CFAP77: variants seen among roughly 807,000 people sequenced by gnomAD.
CFAP77 encodes cilia- and flagella-associated protein 77.
Under a neutral mutation model 31.1 loss-of-function variants are expected in CFAP77, and 25 were observed. The ratio of observed to expected loss-of-function variants is 0.80; its 90% CI spans 0.59 to 1.12. The LOEUF (loss-of-function observed/expected upper bound fraction) is 1.12. CFAP77 is among the 50% of genes most tolerant of loss of function. CFAP77 has a pLI of 0.00. For missense variants in CFAP77, 377 were observed against 397.3 expected (o/e 0.95, Z 0.44); for synonymous variants, 151 against 159.9 (o/e 0.94, Z 0.42).
intron 1 of CFAP77, among the ~76,000 whole-genome samples, chr9:132,496,887 G>A (rs550502509): frequency 1.3e-5 from 2 of 152,208 alleles, no homozygotes; most frequent in African/African-American, 2.4e-5. Context: ...AGGCAGGGGG[G>A]TCTGCATGTG....
intron 1 of CFAP77, among the ~76,000 whole-genome samples, chr9:132,487,739 G>A (rs1314574636): frequency 1.3e-5 from 2 of 150,566 alleles, no homozygotes; most frequent in African/African-American, 4.9e-5. Context: ...TCATTATGCA[G>A]TGTTCAACTG....
chr9:132,480,580 G>A lies in CFAP77; in HGVS notation c.196-18115G>A, dbSNP rs907706634. 2.6e-5 allele frequency among the ~76,000 whole-genome samples: 4 copies of A among 152,222 alleles called. No individual in the cohort carries two copies. Among genetic ancestry groups the A allele is most frequent in the Non-Finnish European group, 4.4e-5 (3 of 68,032 alleles). On this transcript the variant is annotated intron_variant, in intron 1 of 5. Coordinates refer to ENST00000393216, the MANE Select transcript of CFAP77 (RefSeq NM_001282957.2). This position sits in a 1 kb window ranked among gnomAD's most constrained non-coding sequence, Gnocchi z 5.8. ...CCCGTGCTCACCCAGCTGACCTGCC[G>A]CAGAGTGAGACGTGGCAGAAACCAC...
At chr9:132,445,831 T>C (rs1201733110) in intron 1 of CFAP77, among the ~76,000 whole-genome samples, 1 of 141,206 alleles carries the variant, frequency 7.1e-6, no homozygotes, top group Non-Finnish European at 1.5e-5. Context: ...ATTGCACCAC[T>C]GCACTCTAGC....
chr9:132,519,928 A>G (rs1760470048), intron 3 of CFAP77, among the ~76,000 whole-genome samples: 1 of 151,294 alleles, frequency 6.6e-6, no homozygotes, highest in African/African-American at 2.4e-5. Context: ...GGGTGGATGG[A>G]TGGATGAACG....
At chr9:132,496,346 T>C (rs1219615769) in intron 1 of CFAP77, among the ~76,000 whole-genome samples, 1 of 152,238 alleles carries the variant, frequency 6.6e-6, no homozygotes, top group African/African-American at 2.4e-5. Flanking sequence ...TGAGATGTAA[T>C]TCACATTCCC....
chr9:132,451,068 G>C (rs954154528), intron 1 of CFAP77, among the ~76,000 whole-genome samples: 2 of 152,192 alleles, frequency 1.3e-5, no homozygotes, highest in African/African-American at 4.8e-5. Flanking sequence ...CGGGCACGGT[G>C]CCTCACACCT....
intron 5 of CFAP77, among the ~76,000 whole-genome samples, chr9:132,557,174 T>C (rs80304556): frequency 0.013 from 1,931 of 152,256 alleles, 47 homozygotes; most frequent in African/African-American, 0.045. Flanking sequence ...GGACAGGGGC[T>C]CCAAGGTGCA....
chr9:132,422,376 A>G (rs1850231874), intron 1 of CFAP77, among the ~76,000 whole-genome samples: 1 of 152,160 alleles, frequency 6.6e-6, no homozygotes, highest in African/African-American at 2.4e-5. Flanking sequence ...TCAGGGATAC[A>G]CATTGCGGAG....
rs531175845 is a variant in CFAP77 at position 132,525,152 on chromosome 9, C to T, written c.525-12449C>T. On this transcript the variant is annotated intron_variant, in intron 3 of 5. Coordinates refer to ENST00000393216, the MANE Select transcript of CFAP77 (RefSeq NM_001282957.2). ...CTCCTGCGTCAGCCTCCTGAGTAGC[C>T]GGGACTACAGGCATGCGCCACCACG... 8.5e-5 allele frequency among the ~76,000 whole-genome samples: 11 copies of T among 129,652 alleles called. 1 individual carries two copies. The East Asian group carries it at 9.2e-4, about 11-fold the overall frequency. The allele number at this position is 129,652 out of a possible 152,430, so 85.1% of individuals were successfully genotyped here.
At chr9:132,521,183 C>T (rs1374368131) in intron 3 of CFAP77, among the ~76,000 whole-genome samples, 14 of 152,136 alleles carry the variant, frequency 9.2e-5, no homozygotes, top group African/African-American at 3.1e-4. Flanking sequence ...CCTGACATGC[C>T]GACTTAATGG....
intron 1 of CFAP77, among the ~76,000 whole-genome samples, chr9:132,493,696 G>A (rs941489311): frequency 2.0e-5 from 3 of 152,224 alleles, no homozygotes; most frequent in Non-Finnish European, 2.9e-5. Context: ...ACCCAGAGAC[G>A]AGTTCTGCTG....
chr9:132,548,494 C>T (rs1005360408), intron 5 of CFAP77, among the ~76,000 whole-genome samples: 2 of 152,214 alleles, frequency 1.3e-5, no homozygotes, highest in South Asian at 2.1e-4. Flanking sequence ...ACCAAACGCT[C>T]GCACGCTGCT....
chr9:132,559,415 C>G (rs1484743418), intron 5 of CFAP77, among the ~76,000 whole-genome samples: 1 of 127,026 alleles, frequency 7.9e-6, no homozygotes, highest in Non-Finnish European at 1.7e-5. Flanking sequence ...AACAAATAAA[C>G]ACATGAAAAG....
At chr9:132,543,154 AT>A in intron 5 of CFAP77, 107 bp downstream of exon 5, 1 of 851,778 alleles carries the variant, frequency 1.2e-6, no homozygotes. Context: ...CTCACCATCG[AT>A]TAGTACAACA....
intron 4 of CFAP77, among the ~76,000 whole-genome samples, chr9:132,540,270 C>G (rs1852618009): frequency 6.6e-6 from 1 of 152,148 alleles, no homozygotes; most frequent in Non-Finnish European, 1.5e-5. Flanking sequence ...TCACGCATCC[C>G]AGAGTGTTGG....
intron 3 of CFAP77, among the ~76,000 whole-genome samples, chr9:132,510,891 C>T (rs1031509634): frequency 6.6e-6 from 1 of 152,088 alleles, no homozygotes; most frequent in African/African-American, 2.4e-5. Flanking sequence ...CCAGACGGGC[C>T]CTAAGGTAGC....
Position 132,498,778 on chromosome 9 carries a change from CGGA to C in CFAP77, c.284_286del (p.Gly95del), listed in dbSNP as rs766464247. ...ATGGACTCTACATCCGAGGGCTTGA[CGGA>C]GGAGTCCCTGAAGGTGAGCGAGCAG... On this transcript the variant is annotated inframe_deletion, in exon 2 of 6. Transcript: ENST00000393216. The surrounding 1 kb of genome is among the most constrained non-coding windows in gnomAD (Gnocchi z 4.2). The C allele has an allele frequency of 8.1e-6, 13 of 1,608,924 alleles. No individual in the cohort carries two copies. The highest frequency in any genetic ancestry group is 1.0e-5 in the Non-Finnish European group (12 of 1,177,300).
chr9:132,524,561 A>C (rs13284595), intron 3 of CFAP77, among the ~76,000 whole-genome samples: 1 of 151,952 alleles, frequency 6.6e-6, no homozygotes. Context: ...TTCAGTGAGC[A>C]GGAATTGTGC....
At chr9:132,473,038 C>T (rs1851285711) in intron 1 of CFAP77, among the ~76,000 whole-genome samples, 1 of 152,138 alleles carries the variant, frequency 6.6e-6, no homozygotes, top group Non-Finnish European at 1.5e-5. Flanking sequence ...CAGGCTGCTT[C>T]CACTCACAGC....
Sources: gnomAD v4.1 joint callset for allele counts (sites outside exome capture counted in the v4.1 genomes callset) on GRCh38, gnomAD v4.1.1 for gene constraint, Gnocchi (gnomAD v3.1) non-coding constraint, MANE v1.5 for transcripts, NCBI Gene and HGNC (gene_info 2026-07-23, HGNC 2026-07-21) for gene names.